VTI1A: variants seen among roughly 807,000 people sequenced by gnomAD.
VTI1A encodes vesicle transport through interaction with t-SNAREs homolog 1A.
A neutral mutation model predicts 34.9 loss-of-function variants in VTI1A; 22 were observed. That is an observed-to-expected ratio of 0.63 (90% CI 0.45 to 0.90). The LOEUF (loss-of-function observed/expected upper bound fraction) is 0.90, where lower values mean the gene tolerates loss of function less well. Among genes scored for constraint, VTI1A ranks in the 40% least tolerant of loss-of-function variants. The pLI, the probability that VTI1A is intolerant of heterozygous loss-of-function variation, is 0.00. For synonymous variants in VTI1A, 87 were observed against 97.3 expected (o/e 0.89, Z 0.62); for missense variants, 268 against 275.6 (o/e 0.97, Z 0.20).
chr10:112,514,156 G>C (rs1478685129), intron 3 of VTI1A, among the ~76,000 whole-genome samples: 3 of 151,730 alleles, frequency 2.0e-5, no homozygotes, highest in African/African-American at 7.3e-5. Flanking sequence ...TTCTTTGTTG[G>C]GAGACTTTTT....
intron 5 of VTI1A, among the ~76,000 whole-genome samples, chr10:112,553,212 C>T (rs929729910): frequency 2.6e-5 from 4 of 152,220 alleles, no homozygotes; most frequent in African/African-American, 9.6e-5. Context: ...CTCTCTTTCA[C>T]CTGCAGTGAA....
chr10:112,546,652 T>C (rs575081693), intron 5 of VTI1A, among the ~76,000 whole-genome samples: 2 of 151,786 alleles, frequency 1.3e-5, no homozygotes, highest in Non-Finnish European at 2.9e-5. Flanking sequence ...TTTATCTCTA[T>C]ATTTAACACT....
At chr10:112,779,956 GTTAC>G (rs1852066526) in intron 7 of VTI1A, among the ~76,000 whole-genome samples, 3 of 151,948 alleles carry the variant, frequency 2.0e-5, no homozygotes, top group South Asian at 2.1e-4. Context: ...CAAGCTATTT[GTTAC>G]TTACTCAGTT....
chr10:112,837,666 A>G, the VTI1A span, among the ~76,000 whole-genome samples: 5 of 152,184 alleles, frequency 3.3e-5, no homozygotes, highest in Non-Finnish European at 4.4e-5. Context: ...TTTAGGTTGA[A>G]TGGCTCCCCA....
intron 7 of VTI1A, among the ~76,000 whole-genome samples, chr10:112,760,253 A>T (rs540041611): frequency 2.0e-5 from 3 of 152,326 alleles, no homozygotes; most frequent in Admixed American, 1.3e-4. Context: ...TTTTCCCTGT[A>T]CATGTATACC....
chr10:112,651,193 C>A (rs1847002079), intron 5 of VTI1A, among the ~76,000 whole-genome samples: 1 of 152,186 alleles, frequency 6.6e-6, no homozygotes, highest in Admixed American at 6.5e-5. Flanking sequence ...TTCCTTCATG[C>A]TTAAGTGACC....
chr10:112,673,034 A>G (rs945045142), intron 7 of VTI1A, among the ~76,000 whole-genome samples: 5 of 152,116 alleles, frequency 3.3e-5, no homozygotes, highest in African/African-American at 1.2e-4. Context: ...AAAATGGCAT[A>G]AGCCAGGTGT....
intron 3 of VTI1A, 54 bp downstream of exon 3, chr10:112,464,711 C>T: frequency 1.4e-6 from 2 of 1,459,522 alleles, no homozygotes; most frequent in Non-Finnish European, 1.9e-6. Context: ...AATGTTTCCT[C>T]CTCATGCCTC....
At chr10:112,638,821 C>CT (rs772004875) in intron 5 of VTI1A, among the ~76,000 whole-genome samples, 2,435 of 115,078 alleles carry the variant, frequency 0.021, 22 homozygotes, top group African/African-American at 0.03. Flanking sequence ...ACAGGTTGGG[C>CT]TTTTTTTTTT....
At chr10:112,717,137 G>T (rs907061075) in intron 7 of VTI1A, among the ~76,000 whole-genome samples, 6 of 152,192 alleles carry the variant, frequency 3.9e-5, no homozygotes, top group African/African-American at 1.4e-4. Context: ...GCTGAGAGTT[G>T]GAAGCTCTGA....
chr10:112,511,271 G>T (rs764848607), intron 3 of VTI1A, among the ~76,000 whole-genome samples: 1 of 147,742 alleles, frequency 6.8e-6, no homozygotes, highest in African/African-American at 2.5e-5. Flanking sequence ...CTTTTTCAGA[G>T]TCTTGCTCTG....
intron 7 of VTI1A, among the ~76,000 whole-genome samples, chr10:112,680,110 G>A (rs1487250527): frequency 6.6e-6 from 1 of 152,058 alleles, no homozygotes; most frequent in Non-Finnish European, 1.5e-5. Flanking sequence ...TGATACTCTG[G>A]CTTACTTAAA....
chr10:112,841,945 A>ATC, the VTI1A span, among the ~76,000 whole-genome samples: 1 of 152,258 alleles, frequency 6.6e-6, no homozygotes, highest in Admixed American at 6.5e-5. Flanking sequence ...CGGTGGAGGC[A>ATC]AGAGAATGAT....
intron 7 of VTI1A, among the ~76,000 whole-genome samples, chr10:112,732,976 T>G (rs1303703099): frequency 6.6e-6 from 1 of 152,174 alleles, no homozygotes; most frequent in Non-Finnish European, 1.5e-5. Flanking sequence ...GCTATCAGCC[T>G]TCCCAGCAAA....
Position 112,566,768 on chromosome 10 carries a change from G to A in VTI1A, c.427+28438G>A, listed in dbSNP as rs575076306. ...CAGCATGTAAGAACTTGCATGCTCCGGGTCATAAATGCTGCTTCATGAATA... is the reference window on the plus strand; with the variant it reads ...CAGCATGTAAGAACTTGCATGCTCCAGGTCATAAATGCTGCTTCATGAATA... On this transcript the variant is annotated intron_variant, in intron 5 of 7. Coordinates refer to ENST00000393077, the MANE Select transcript of VTI1A (RefSeq NM_145206.4). Among the ~76,000 whole-genome samples, 4 of 152,172 alleles carry A rather than the reference G, an allele frequency of 2.6e-5. No homozygotes were observed. In the East Asian group the frequency reaches 5.8e-4, roughly 22 times the overall value.
chr10:112,564,399 A>G (rs1267411990), intron 5 of VTI1A, among the ~76,000 whole-genome samples: 3 of 152,016 alleles, frequency 2.0e-5, no homozygotes, highest in African/African-American at 7.2e-5. Context: ...TCTATAGTCA[A>G]TGTCAAATTG....
chr10:112,458,879 G>A (rs763793232), intron 1 of VTI1A, among the ~76,000 whole-genome samples: 2 of 151,912 alleles, frequency 1.3e-5, no homozygotes, highest in Non-Finnish European at 2.9e-5. Flanking sequence ...TGTTTGCCAG[G>A]GTGGTCTCAA....
chr10:112,578,335 G>C (rs2134389749), intron 5 of VTI1A, among the ~76,000 whole-genome samples: 1 of 152,288 alleles, frequency 6.6e-6, no homozygotes, highest in Admixed American at 6.5e-5. Context: ...AGGGATGAAG[G>C]GAGAGTTAGG....
chr10:112,722,994 C>G (rs1006619777), intron 7 of VTI1A, among the ~76,000 whole-genome samples: 1 of 152,164 alleles, frequency 6.6e-6, no homozygotes, highest in Non-Finnish European at 1.5e-5. Flanking sequence ...GCTCTTGAGC[C>G]AGACAGCCTG....
Sources: gnomAD v4.1 joint callset for allele counts (sites outside exome capture counted in the v4.1 genomes callset) on GRCh38, gnomAD v4.1.1 for gene constraint, MANE v1.5 for transcripts, NCBI Gene and HGNC (gene_info 2026-07-23, HGNC 2026-07-21) for gene names.